PLXNA4: variants seen among roughly 807,000 people sequenced by gnomAD.
PLXNA4 encodes plexin A4.
In PLXNA4, 44 loss-of-function variants were observed where a neutral mutation model predicts 191.8. That is an observed-to-expected ratio of 0.23 (90% CI 0.18 to 0.29). The LOEUF is 0.29. Ranked by LOEUF, PLXNA4 falls within the 10% of genes least tolerant of loss-of-function variation. The pLI is 1.00. For synonymous variants in PLXNA4, 1,082 were observed against 1,009.5 expected (o/e 1.07, Z -1.36); for missense variants, 1,800 against 2,488.8 (o/e 0.72, Z 5.89).
chr7:132,198,399 A>G, intron 13 of PLXNA4, 86 bp downstream of exon 13: 1 of 1,508,296 alleles, frequency 6.6e-7, no homozygotes, highest in Non-Finnish European at 8.9e-7. Context: ...AAGCTCTGAG[A>G]GCACCTAGTT....
chr7:132,349,682 G>A (rs1229134698), intron 3 of PLXNA4, among the ~76,000 whole-genome samples: 3 of 152,132 alleles, frequency 2.0e-5, no homozygotes, highest in Admixed American at 1.3e-4. Context: ...GATGTCCTTC[G>A]TGGAGATCAG....
chr7:132,150,711 GC>G (rs1318028989), intron 25 of PLXNA4, among the ~76,000 whole-genome samples: 1 of 152,248 alleles, frequency 6.6e-6, no homozygotes, highest in African/African-American at 2.4e-5. Flanking sequence ...CTTAGCAACT[GC>G]AAGGGCACTG....
At chr7:132,245,399 G>A (rs566013552) in intron 4 of PLXNA4, among the ~76,000 whole-genome samples, 1 of 152,264 alleles carries the variant, frequency 6.6e-6, no homozygotes, top group East Asian at 1.9e-4. Flanking sequence ...ATCACCTCTG[G>A]GGACCTCCAT....
At chr7:132,579,523 C>CTT (rs540721748), upstream of PLXNA4, among the ~76,000 whole-genome samples, 27 of 126,180 alleles carry the variant, frequency 2.1e-4, no homozygotes, top group South Asian at 7.7e-4. Context: ...AGTCAAAGAC[C>CTT]TTTTTTTTTT....
At chr7:132,498,062 A>G (rs908349994) in intron 2 of PLXNA4, among the ~76,000 whole-genome samples, 1 of 152,164 alleles carries the variant, frequency 6.6e-6, no homozygotes, top group Non-Finnish European at 1.5e-5. Context: ...TTCACTTTCC[A>G]TGGTTTCAGT....
intron 3 of PLXNA4, among the ~76,000 whole-genome samples, chr7:132,390,243 A>G (rs1461512506): frequency 1.3e-5 from 2 of 152,212 alleles, no homozygotes. Flanking sequence ...AGCCATAAAA[A>G]AGGATGAGTT....
intron 3 of PLXNA4, among the ~76,000 whole-genome samples, chr7:132,466,893 G>A (rs1796727537): frequency 6.6e-6 from 1 of 152,262 alleles, no homozygotes; most frequent in Admixed American, 6.5e-5. Flanking sequence ...CAGGCTCTTG[G>A]GCTTTCTGGG....
intron 24 of PLXNA4, among the ~76,000 whole-genome samples, chr7:132,160,299 C>T (rs1475846767): frequency 6.6e-6 from 1 of 152,180 alleles, no homozygotes; most frequent in Non-Finnish European, 1.5e-5. Context: ...GAGATTCTTT[C>T]GTGGCCCTGA....
chr7:132,573,766 G>A (rs572592017), intron 1 of PLXNA4, among the ~76,000 whole-genome samples: 23 of 152,214 alleles, frequency 1.5e-4, no homozygotes, highest in Admixed American at 2.6e-4. Context: ...CCGGGGAGGC[G>A]TGATTGGGTA....
intron 1 of PLXNA4, among the ~76,000 whole-genome samples, chr7:132,532,329 G>A (rs1422141003): frequency 6.6e-6 from 1 of 152,204 alleles, no homozygotes; most frequent in Non-Finnish European, 1.5e-5. Context: ...TCACTTGGTG[G>A]CCTTTTATAA....
chr7:132,345,128 T>C (rs1803194091), intron 3 of PLXNA4, among the ~76,000 whole-genome samples: 1 of 152,190 alleles, frequency 6.6e-6, no homozygotes, highest in African/African-American at 2.4e-5. Context: ...AGGAAATCCA[T>C]TGATAAGCAG....
intron 2 of PLXNA4, among the ~76,000 whole-genome samples, chr7:132,621,236 G>GTTTTTTTTTTTT (rs1387509609): frequency 2.2e-5 from 3 of 135,056 alleles, no homozygotes; most frequent in African/African-American, 8.1e-5. Context: ...TAATCTCTTG[G>GTTTTTTTTTTTT]TTTTTTTTTG....
At chr7:132,315,768 A>T (rs1010464589) in intron 3 of PLXNA4, among the ~76,000 whole-genome samples, 12 of 152,196 alleles carry the variant, frequency 7.9e-5, no homozygotes, top group African/African-American at 2.9e-4. Context: ...GAGGAATATG[A>T]TTCAAATAGC....
At chr7:132,405,281 G>A (rs908501025) in intron 3 of PLXNA4, among the ~76,000 whole-genome samples, 2 of 152,142 alleles carry the variant, frequency 1.3e-5, no homozygotes, top group African/African-American at 2.4e-5. Context: ...CCGCAATGCC[G>A]AGTTTTGGGT....
At chr7:132,568,543 C>A (rs993023405) in intron 1 of PLXNA4, among the ~76,000 whole-genome samples, 3 of 152,186 alleles carry the variant, frequency 2.0e-5, no homozygotes, top group Non-Finnish European at 4.4e-5. Flanking sequence ...TATGTATCTG[C>A]CCAAATCTGC....
intron 25 of PLXNA4, among the ~76,000 whole-genome samples, chr7:132,156,637 T>C (rs1795806487): frequency 6.6e-6 from 1 of 152,248 alleles, no homozygotes; most frequent in African/African-American, 2.4e-5. Flanking sequence ...GTCTTGGTCC[T>C]GTCCAGCCCA....
At chr7:132,546,426 A>G (rs1416431701) in intron 1 of PLXNA4, among the ~76,000 whole-genome samples, 2 of 152,138 alleles carry the variant, frequency 1.3e-5, no homozygotes, top group Non-Finnish European at 2.9e-5. Flanking sequence ...CACCAGTAAA[A>G]TTTTTTTAAG....
chr7:132,256,595 T>A (rs911120982), intron 4 of PLXNA4, among the ~76,000 whole-genome samples: 1 of 152,126 alleles, frequency 6.6e-6, no homozygotes, highest in Admixed American at 6.5e-5. Flanking sequence ...GCTCCAAACT[T>A]CACTGAGCAA....
At chr7:132,408,315 C>T (rs186001616) in intron 3 of PLXNA4, among the ~76,000 whole-genome samples, 3 of 152,028 alleles carry the variant, frequency 2.0e-5, no homozygotes, top group Non-Finnish European at 4.4e-5. Flanking sequence ...CATAAAACAT[C>T]GAAAGGAAAT....
Sources: gnomAD v4.1 joint callset for allele counts (sites outside exome capture counted in the v4.1 genomes callset) on GRCh38, gnomAD v4.1.1 for gene constraint, MANE v1.5 for transcripts, NCBI Gene and HGNC (gene_info 2026-07-23, HGNC 2026-07-21) for gene names.